Variants in RYK observed in about 807,000 individuals in gnomAD.
RYK encodes the protein receptor like tyrosine kinase, also known as inactive tyrosine-protein kinase RYK.
RYK carries 21 observed loss-of-function variants against 70.2 expected under a neutral mutation model. The ratio of observed to expected loss-of-function variants is 0.30; its 90% CI spans 0.21 to 0.43. RYK has a LOEUF of 0.43. Ranked by LOEUF, RYK falls within the 20% of genes least tolerant of loss-of-function variation. The pLI is 1.00. For missense variants in RYK, 604 were observed against 753.3 expected, an observed-to-expected ratio of 0.80 and a Z score of 2.32; for synonymous variants, 267 against 278.0, an observed-to-expected ratio of 0.96 and a Z score of 0.39.
intron 7 of RYK, among the ~76,000 whole-genome samples, chr3:134,193,923 T>C (rs1039423086): frequency 1.3e-5 from 2 of 152,148 alleles, no homozygotes; most frequent in African/African-American, 4.8e-5. Context: ...AAAAGAATGC[T>C]CCATGAATGG....
intron 11 of RYK, 87 bp from the exon 12 acceptor site, chr3:134,176,126 C>T (rs1051751177): frequency 2.5e-6 from 2 of 801,000 alleles, no homozygotes; most frequent in African/African-American, 3.5e-5. Context: ...AATCCTACTC[C>T]ATCCAAAAAT....
At chr3:134,248,363 G>A (rs2015525697) in intron 1 of RYK, among the ~76,000 whole-genome samples, 1 of 152,160 alleles carries the variant, frequency 6.6e-6, no homozygotes, top group African/African-American at 2.4e-5. Flanking sequence ...AAGAAAATTA[G>A]TTCCAGGCCA....
chr3:134,185,462 A>G (rs2013431021), intron 9 of RYK, among the ~76,000 whole-genome samples: 1 of 152,180 alleles, frequency 6.6e-6, no homozygotes, highest in Admixed American at 6.5e-5. Context: ...AACTTCTCTT[A>G]GTTAAGACTT....
At chr3:134,209,913 GA>G (rs2014335621) in intron 3 of RYK, 84 bp from the exon 4 acceptor site, 13 of 1,059,578 alleles carry the variant, frequency 1.2e-5, no homozygotes, top group Non-Finnish European at 1.7e-5. Context: ...AAACATTTTA[GA>G]ATTACTTATT....
chr3:134,182,155 CAA>C (rs201391893), intron 10 of RYK, among the ~76,000 whole-genome samples: 36 of 101,674 alleles, frequency 3.5e-4, no homozygotes, highest in Admixed American at 5.7e-4. Context: ...ACTCTGTCTC[CAA>C]AAAAAAAAAA....
intron 2 of RYK, among the ~76,000 whole-genome samples, chr3:134,212,153 T>C (rs897614234): frequency 2.0e-5 from 3 of 150,500 alleles, no homozygotes; most frequent in African/African-American, 4.9e-5. Context: ...CATGTTTAGA[T>C]CCCCATTTGA....
In RYK at chr3:134,214,610, G is replaced by C. The variant is rs183182199; in HGVS notation, c.355-3003C>G. Among the ~76,000 whole-genome samples, 75 of 152,292 alleles carry C rather than the reference G, an allele frequency of 4.9e-4. 1 individual carries two copies. In the East Asian group the frequency reaches 0.014, roughly 29 times the overall value. Reference sequence around the variant, plus strand: ...CTTCTTACTCTACTCCTGCTGCTCAGCACTGCTGAAGGAAATCCATCCTAC... The same window carrying C: ...CTTCTTACTCTACTCCTGCTGCTCACCACTGCTGAAGGAAATCCATCCTAC... On this transcript the variant is annotated intron_variant, in intron 2 of 14. Coordinates refer to ENST00000623711, the MANE Select transcript of RYK (RefSeq NM_002958.4).
intron 13 of RYK, among the ~76,000 whole-genome samples, chr3:134,167,985 G>C (rs1286985180): frequency 6.6e-6 from 1 of 152,142 alleles, no homozygotes; most frequent in African/African-American, 2.4e-5. Context: ...CTTCTCAAAA[G>C]AAGACATTTA....
intron 13 of RYK, among the ~76,000 whole-genome samples, chr3:134,173,174 A>G (rs937626944): frequency 3.9e-5 from 6 of 152,042 alleles, no homozygotes; most frequent in Non-Finnish European, 7.4e-5. Flanking sequence ...CCAGCTACTC[A>G]GGAGGCTGAG....
intron 9 of RYK, among the ~76,000 whole-genome samples, chr3:134,185,248 G>C (rs1196099456): frequency 6.6e-6 from 1 of 152,176 alleles, no homozygotes; most frequent in Admixed American, 6.5e-5. Context: ...GACCCACCTA[G>C]GAAAATGCTG....
At chr3:134,240,725 G>C (rs1392989099) in intron 1 of RYK, among the ~76,000 whole-genome samples, 3 of 152,156 alleles carry the variant, frequency 2.0e-5, no homozygotes, top group Non-Finnish European at 4.4e-5. Context: ...GGCCCCAAAA[G>C]TCTAGAGGTC....
At chr3:134,183,092 A>C (rs1224736828) in intron 9 of RYK, 21 bp from the exon 10 acceptor site, 1 of 1,428,068 alleles carries the variant, frequency 7.0e-7, no homozygotes, top group South Asian at 1.3e-5. Context: ...AGAAAAGAAA[A>C]TGTCTTGAAT....
rs566509225 is a variant in RYK at position 134,233,224 on chromosome 3, T to C, written c.233-10685A>G. 2.0e-5 allele frequency among the ~76,000 whole-genome samples: 3 copies of C among 152,384 alleles called. No individual in the cohort carries two copies. In the East Asian group the frequency reaches 5.8e-4, roughly 29 times the overall value. On this transcript the variant is annotated intron_variant, in intron 1 of 14. Coordinates refer to ENST00000623711, the MANE Select transcript of RYK (RefSeq NM_002958.4). ...GTACCAATTATGCTTTTGTTGGTGCTCTGCTTTAATTGCAGAAATCTTGAG... is the reference window on the plus strand; with the variant it reads ...GTACCAATTATGCTTTTGTTGGTGCCCTGCTTTAATTGCAGAAATCTTGAG...
chr3:134,205,907 A>T (rs1298710266), intron 5 of RYK, among the ~76,000 whole-genome samples: 1 of 151,958 alleles, frequency 6.6e-6, no homozygotes, highest in Non-Finnish European at 1.5e-5. Context: ...CACACCACAG[A>T]CTCTCCATAG....
At chr3:134,247,627 T>C (rs2015498780) in intron 1 of RYK, among the ~76,000 whole-genome samples, 1 of 151,324 alleles carries the variant, frequency 6.6e-6, no homozygotes, top group Non-Finnish European at 1.5e-5. Flanking sequence ...GCTTGAACCT[T>C]GGAGGCAGAG....
intron 1 of RYK, among the ~76,000 whole-genome samples, chr3:134,222,752 G>A (rs999148237): frequency 6.6e-6 from 1 of 152,074 alleles, no homozygotes; most frequent in Non-Finnish European, 1.5e-5. Context: ...AAACAATTAA[G>A]CAGTTATCCA....
At chr3:134,249,167 A>G (rs925139016) in intron 1 of RYK, among the ~76,000 whole-genome samples, 3 of 152,210 alleles carry the variant, frequency 2.0e-5, no homozygotes, top group Non-Finnish European at 2.9e-5. Flanking sequence ...GTACTACCCC[A>G]AGTAGAGTTT....
intron 11 of RYK, among the ~76,000 whole-genome samples, chr3:134,176,768 C>T (rs1229872291): frequency 6.6e-6 from 1 of 151,908 alleles, no homozygotes; most frequent in East Asian, 1.9e-4. Context: ...AAAAACCCTG[C>T]AGCTGGGTGC....
At chr3:134,201,214 C>T (rs1479597075) in intron 6 of RYK, among the ~76,000 whole-genome samples, 1 of 152,224 alleles carries the variant, frequency 6.6e-6, no homozygotes, top group Admixed American at 6.5e-5. Context: ...AAAACATATT[C>T]TGAAACAAAT....
Sources: allele counts gnomAD v4.1 joint callset (sites outside exome capture counted in the v4.1 genomes callset), GRCh38; gene constraint gnomAD v4.1.1; transcripts MANE v1.5; gene names NCBI Gene and HGNC (gene_info 2026-07-23, HGNC 2026-07-21).